PCLO: variants seen among roughly 807,000 people sequenced by gnomAD.
PCLO encodes piccolo presynaptic cytomatrix protein.
A neutral mutation model predicts 427.5 loss-of-function variants in PCLO; 82 were observed. The observed-to-expected ratio is 0.19, with a 90% confidence interval of 0.16 to 0.23. The LOEUF is 0.23. PCLO is among the 10% of genes least tolerant of loss of function. The pLI, the probability that PCLO is intolerant of heterozygous loss-of-function variation, is 1.00. For missense variants in PCLO, 6,239 were observed against 6,115.9 expected, an observed-to-expected ratio of 1.02 and a Z score of -0.67; for synonymous variants, 2,357 against 2,155.4, an observed-to-expected ratio of 1.09 and a Z score of -2.59.
At chr7:82,867,577 A>T (rs1267173819) in intron 10 of PCLO, among the ~76,000 whole-genome samples, 1 of 152,292 alleles carries the variant, frequency 6.6e-6, no homozygotes, top group Non-Finnish European at 1.5e-5. Flanking sequence ...CTCCAAGCTT[A>T]CGAAAAAGTG....
intron 22 of PCLO, among the ~76,000 whole-genome samples, chr7:82,793,937 C>T (rs1791160864): frequency 1.3e-5 from 2 of 152,278 alleles, no homozygotes; most frequent in East Asian, 1.9e-4. Context: ...AATGTTTGTA[C>T]TTAGCCTTCT....
At chr7:83,066,661 T>TA (rs1370906894) in intron 3 of PCLO, among the ~76,000 whole-genome samples, 25 of 152,296 alleles carry the variant, frequency 1.6e-4, no homozygotes, top group African/African-American at 5.8e-4. Flanking sequence ...ATTATTGAAA[T>TA]AGCCATTGAA....
At chr7:82,866,067 C>T (rs1793085341) in intron 10 of PCLO, among the ~76,000 whole-genome samples, 1 of 152,150 alleles carries the variant, frequency 6.6e-6, no homozygotes, top group Non-Finnish European at 1.5e-5. Context: ...ACGTTGGCTT[C>T]CTTTCTGTCT....
chr7:82,787,325 C>T (rs1791006288), intron 22 of PCLO, among the ~76,000 whole-genome samples: 1 of 152,102 alleles, frequency 6.6e-6, no homozygotes, highest in South Asian at 2.1e-4. Flanking sequence ...ATTTACATTT[C>T]TCTAATGACC....
intron 7 of PCLO, among the ~76,000 whole-genome samples, chr7:82,909,637 T>C (rs1794274705): frequency 6.6e-6 from 1 of 152,168 alleles, no homozygotes; most frequent in African/African-American, 2.4e-5. Flanking sequence ...GGCTTTAACA[T>C]TATTTTTTGA....
At chr7:83,027,714 A>C (rs1788542018) in intron 3 of PCLO, among the ~76,000 whole-genome samples, 1 of 130,596 alleles carries the variant, frequency 7.7e-6, no homozygotes. Context: ...TCAATAAAAT[A>C]CTGGCAAAAC....
chr7:82,754,016 A>G lies in PCLO; in HGVS notation c.*4559T>C, dbSNP rs1790268082. 1 of 152,160 alleles carries G rather than the reference A, an allele frequency of 6.6e-6. No individual in the cohort carries two copies. Among genetic ancestry groups the G allele is most frequent in the African/African-American group, 2.4e-5 (1 of 41,446 alleles). The allele number at this position is 152,160 out of a possible 1,614,324, so 9.4% of individuals were successfully genotyped here. On this transcript the variant is annotated 3_prime_UTR_variant, in exon 25 of 25. Transcript: ENST00000333891. ...ATAAACACAAGAAGTCAAAGGTGAT[A>G]TTTTCAGTATTTATTAGTAAGGCTG...
intron 10 of PCLO, among the ~76,000 whole-genome samples, chr7:82,867,630 T>C (rs1793129447): frequency 6.6e-6 from 1 of 152,162 alleles, no homozygotes; most frequent in African/African-American, 2.4e-5. Flanking sequence ...TCCGGAAATC[T>C]AACTGTAGGA....
intron 9 of PCLO, among the ~76,000 whole-genome samples, chr7:82,882,228 C>T (rs1793525461): frequency 6.6e-6 from 1 of 152,010 alleles, no homozygotes; most frequent in South Asian, 2.1e-4. Flanking sequence ...AAAAATCTAA[C>T]ACCACTCCTC....
At chr7:83,107,969 C>CA (rs1365670734) in intron 3 of PCLO, among the ~76,000 whole-genome samples, 4 of 114,460 alleles carry the variant, frequency 3.5e-5, no homozygotes, top group Non-Finnish European at 6.6e-5. Context: ...AGCCAGGTGA[C>CA]AGAGTGAGAC....
chr7:82,795,081 T>C (rs1209359874), intron 22 of PCLO, among the ~76,000 whole-genome samples: 1 of 152,180 alleles, frequency 6.6e-6, no homozygotes, highest in Non-Finnish European at 1.5e-5. Flanking sequence ...ACATTTTTAT[T>C]ATTCCATTTT....
chr7:83,122,562 A>G (rs1791315426), intron 3 of PCLO, among the ~76,000 whole-genome samples: 1 of 152,156 alleles, frequency 6.6e-6, no homozygotes, highest in Non-Finnish European at 1.5e-5. Context: ...CTGGGATTAC[A>G]GTGGTGAGCC....
At chr7:82,999,236 T>A (rs1787714006) in intron 3 of PCLO, among the ~76,000 whole-genome samples, 1 of 144,764 alleles carries the variant, frequency 6.9e-6, no homozygotes. Context: ...ATATATATTA[T>A]ATAAAATATA....
chr7:82,827,353 A>G (rs946142544), intron 17 of PCLO, among the ~76,000 whole-genome samples: 1 of 152,046 alleles, frequency 6.6e-6, no homozygotes, highest in African/African-American at 2.4e-5. Flanking sequence ...ATCTCTGGTG[A>G]TAATCCTTTA....
chr7:82,937,381 G>T (rs1794981715), intron 6 of PCLO, among the ~76,000 whole-genome samples: 2 of 147,342 alleles, frequency 1.4e-5, no homozygotes. Flanking sequence ...GCCTCACTTT[G>T]TATAAAATAA....
At chr7:82,987,519 C>G (rs7778238) in intron 3 of PCLO, among the ~76,000 whole-genome samples, 75,965 of 151,738 alleles carry the variant, frequency 0.5, 19,531 homozygotes, top group East Asian at 0.8. Flanking sequence ...TATAATTGCA[C>G]TTACTGAACA....
intron 3 of PCLO, among the ~76,000 whole-genome samples, chr7:83,013,279 T>C (rs934983363): frequency 6.6e-6 from 1 of 152,206 alleles, no homozygotes; most frequent in African/African-American, 2.4e-5. Context: ...TGGCAAAATA[T>C]ATGTAAAGTA....
intron 22 of PCLO, among the ~76,000 whole-genome samples, chr7:82,779,186 C>T (rs1029893535): frequency 6.6e-5 from 10 of 152,032 alleles, no homozygotes; most frequent in Non-Finnish European, 1.2e-4. Context: ...CTTTCTGCTG[C>T]TATTGTTAAA....
At chr7:82,938,470 T>C (rs987670067) in intron 6 of PCLO, among the ~76,000 whole-genome samples, 31 of 151,970 alleles carry the variant, frequency 2.0e-4, no homozygotes, top group African/African-American at 7.0e-4. Context: ...AGTCTCTCAA[T>C]GTCAAGTTAT....
Sources: allele counts gnomAD v4.1 joint callset (sites outside exome capture counted in the v4.1 genomes callset), GRCh38; gene constraint gnomAD v4.1.1; transcripts MANE v1.5; gene names NCBI Gene and HGNC (gene_info 2026-07-23, HGNC 2026-07-21).